The following ARHGAP35 variants were observed in gnomAD, a reference collection of about 807,000 sequenced individuals.
The protein encoded by ARHGAP35 is rho GTPase-activating protein 35.
Under a neutral mutation model 111.1 loss-of-function variants are expected in ARHGAP35, and 15 were observed. The observed-to-expected ratio is 0.13, with a 90% CI of 0.09 to 0.21. ARHGAP35 has a LOEUF of 0.21. Among genes scored for constraint, ARHGAP35 ranks in the 10% least tolerant of loss-of-function variants. The pLI is 1.00. For synonymous variants in ARHGAP35, 643 were observed against 710.3 expected, an observed-to-expected ratio of 0.91 and a Z score of 1.51; for missense variants, 1,262 against 1,873.0, an observed-to-expected ratio of 0.67 and a Z score of 6.02.
In ARHGAP35 at chr19:46,988,136, T is replaced by C. The variant is rs2056660945; in HGVS notation, c.3904+70T>C. On this transcript the variant is annotated intron_variant, in intron 4 of 6. Transcript: ENST00000672722. This position sits in a 1 kb window ranked among gnomAD's most constrained non-coding sequence, Gnocchi z 5.4. Reference sequence around the variant, plus strand: ...GGCAGACACAGCTGCCTCGGTGAACTGTCTGTGGGGCTTCGGAGCACTCCT... The same window carrying C: ...GGCAGACACAGCTGCCTCGGTGAACCGTCTGTGGGGCTTCGGAGCACTCCT... 2.7e-6 allele frequency: 4 copies of C among 1,463,126 alleles called. No individual in the cohort carries two copies. In the Admixed American group the frequency reaches 7.4e-5, roughly 27 times the overall value. 90.6% of individuals were successfully genotyped at this position (1,463,126 alleles called of 1,614,324 possible). A position where few individuals can be genotyped will look rare whatever the true frequency, so the allele number is the denominator to read the frequency against.
At chr19:46,996,788 G>A (rs182334856) in intron 5 of ARHGAP35, among the ~76,000 whole-genome samples, 53 of 152,322 alleles carry the variant, frequency 3.5e-4, no homozygotes, top group South Asian at 8.3e-4. Flanking sequence ...CCTCCCTACA[G>A]CAGTTTACTT....
intron 1 of ARHGAP35, among the ~76,000 whole-genome samples, chr19:46,880,417 T>C (rs936064625): frequency 2.6e-5 from 4 of 152,072 alleles, no homozygotes; most frequent in Non-Finnish European, 5.9e-5. Flanking sequence ...GGGCAACGAG[T>C]GAAACTCCGT....
In ARHGAP35 at chr19:46,961,033, T is replaced by A. The variant is rs1188438253; in HGVS notation, c.3826+23625T>A. Among the ~76,000 whole-genome samples, 2 of 152,122 alleles carry A rather than the reference T, an allele frequency of 1.3e-5. 1 individual carries two copies. The highest frequency in any genetic ancestry group is 1.3e-4 in the Admixed American group (2 of 15,276). ...CCCCAGCCTCCTGAGTAGCTGGGAT[T>A]ACCGGCGCCTGCCACCACGCCCAGC... On this transcript the variant is annotated intron_variant, in intron 3 of 6. Transcript: ENST00000672722.
In ARHGAP35 at chr19:46,920,822, G is replaced by A; in HGVS notation, c.2147G>A (p.Ser716Asn). 1 of 1,612,458 alleles carries A rather than the reference G, an allele frequency of 6.2e-7. No individual in the cohort carries two copies. Among genetic ancestry groups the A allele is most frequent in the Non-Finnish European group, 8.5e-7 (1 of 1,179,166 alleles). The change falls in exon 2 of 7, where the codon AGC becomes AAC. Residue 716 changes from serine (S) to asparagine (N), a missense_variant. Transcript: ENST00000672722. The surrounding 1 kb of genome is among the most constrained non-coding windows in gnomAD (Gnocchi z 7.0). Reference sequence around the variant, plus strand: ...GACACCAGTGGAGAGACTCTGCATAGCTTAATACAGCAAGGTCAACAAATT... The same window carrying A: ...GACACCAGTGGAGAGACTCTGCATAACTTAATACAGCAAGGTCAACAAATT... The part of the protein sequence containing the change: ...RGDTSGETLH[S>N]LIQQGQQIAS...
In ARHGAP35 at chr19:46,920,863, T is replaced by C; in HGVS notation, c.2188T>C (p.Cys730Arg). 1.2e-6 allele frequency: 2 copies of C among 1,613,850 alleles called. No homozygotes were observed. The highest frequency in any genetic ancestry group is 1.7e-6 in the Non-Finnish European group (2 of 1,179,820). The stretch of plus-strand genomic sequence containing the variant: ...TCAACAAATTGCTAGCAAACTTCAG[T>C]GTGTCTTTCTCGACCCTGCTTCTGC... ...QGQQIASKLQCVFLDPASAGI... is the reference protein window; with the variant it reads ...QGQQIASKLQRVFLDPASAGI... Residue 730 changes from cysteine to arginine, a missense_variant, in exon 2 of 7, where the codon TGT (cysteine) becomes CGT (arginine). By Grantham distance (180) the Cys-to-Arg change is radical. Transcript: ENST00000672722. This position sits in a 1 kb window ranked among gnomAD's most constrained non-coding sequence, Gnocchi z 7.0.
intron 1 of ARHGAP35, among the ~76,000 whole-genome samples, chr19:46,871,715 A>G (rs1370102666): frequency 1.3e-5 from 2 of 151,328 alleles, no homozygotes; most frequent in African/African-American, 4.8e-5. Context: ...GCAGTGGCTC[A>G]TGCCTGTAAT....
intron 1 of ARHGAP35, among the ~76,000 whole-genome samples, chr19:46,863,748 C>G (rs934971174): frequency 6.6e-6 from 1 of 152,140 alleles, no homozygotes; most frequent in Non-Finnish European, 1.5e-5. Flanking sequence ...ATCCCGATCC[C>G]ACCAGGGGTT....
chr19:46,937,223 C>T (rs1008474823), intron 2 of ARHGAP35, 41 bp from the exon 3 acceptor site: 5 of 1,611,162 alleles, frequency 3.1e-6, no homozygotes, highest in African/African-American at 2.7e-5. Context: ...CATGTTGATA[C>T]TCACTTTGTT....
intron 1 of ARHGAP35, among the ~76,000 whole-genome samples, chr19:46,888,317 T>TATATATAA (rs1568461153): frequency 3.8e-5 from 2 of 53,314 alleles, no homozygotes; most frequent in African/African-American, 7.9e-5. Flanking sequence ...TATATATATA[T>TATATATAA]AAAATATTGA....
intron 1 of ARHGAP35, among the ~76,000 whole-genome samples, chr19:46,880,786 C>T (rs145875652): frequency 0.018 from 2,702 of 152,048 alleles, 37 homozygotes; most frequent in Non-Finnish European, 0.025. Context: ...AGGGATCCTC[C>T]TGCCTCAGCC....
chr19:46,979,867 G>A (rs950802847), intron 3 of ARHGAP35, among the ~76,000 whole-genome samples: 17 of 152,104 alleles, frequency 1.1e-4, no homozygotes, highest in Non-Finnish European at 2.1e-4. Flanking sequence ...GACAGCTAAC[G>A]AAGGGGCAGG....
chr19:46,882,203 G>A (rs1442614031), intron 1 of ARHGAP35, among the ~76,000 whole-genome samples: 6 of 151,280 alleles, frequency 4.0e-5, no homozygotes, highest in Non-Finnish European at 5.9e-5. Context: ...GCATGATTAT[G>A]GCTTACTGTA....
Position 46,920,426 on chromosome 19 carries a change from G to A in ARHGAP35, c.1751G>A (p.Arg584Gln), listed in dbSNP as rs368789251. The change falls in exon 2 of 7, where the codon CGG (arginine) becomes CAG (glutamine). Residue 584 changes from arginine to glutamine, a missense_variant. Physicochemically the swap from Arg to Gln is conservative, Grantham distance 43. This residue lies in a region of ARHGAP35 where 328 missense variants were observed against 440.8 expected (regional missense o/e 0.74). Transcript: ENST00000672722. The surrounding 1 kb of genome is among the most constrained non-coding windows in gnomAD (Gnocchi z 7.0). ...ISSRFIRPSD[R>Q]NQKNSLSDPN... ...TCTCGGTTTATCCGGCCGTCTGACC[G>A]GAATCAGAAAAATTCACTCTCTGAC... 3.8e-5 allele frequency: 61 copies of A among 1,613,636 alleles called. No individual in the cohort carries two copies. The highest frequency in any genetic ancestry group is 7.7e-5 in the South Asian group (7 of 91,070).
At chr19:46,893,889 T>C (rs1424733314) in intron 1 of ARHGAP35, among the ~76,000 whole-genome samples, 1 of 150,698 alleles carries the variant, frequency 6.6e-6, no homozygotes, top group African/African-American at 2.4e-5. Flanking sequence ...TCTTTCTCTT[T>C]TTTTTTTTTT....
At chr19:46,915,397 T>TAAAAAAAA (rs2056157460) in intron 1 of ARHGAP35, among the ~76,000 whole-genome samples, 2 of 152,204 alleles carry the variant, frequency 1.3e-5, no homozygotes, top group African/African-American at 4.8e-5. Flanking sequence ...GCATACTACG[T>TAAAAAAAA]CTAGTCACAT....
In ARHGAP35 at chr19:46,937,282, C is replaced by T. The variant is rs903252748; in HGVS notation, c.3700C>T (p.Arg1234Trp). 3.1e-6 allele frequency: 5 copies of T among 1,613,732 alleles called. No individual in the cohort carries two copies. The highest frequency in any genetic ancestry group is 4.2e-6 in the Non-Finnish European group (5 of 1,179,780). The change falls in exon 3 of 7, where the codon CGG (arginine) becomes TGG (tryptophan). Residue 1234 changes from arginine to tryptophan, a missense_variant. Transcript: ENST00000672722. ...RNTKKPKPKP[R>W]PSITKATWES... ...TGGACAGAAACCAAAGCCCAAACCCCGGCCATCCATCACAAAGGCAACCTG... is the reference window on the plus strand; with the variant it reads ...TGGACAGAAACCAAAGCCCAAACCCTGGCCATCCATCACAAAGGCAACCTG...
intron 3 of ARHGAP35, among the ~76,000 whole-genome samples, chr19:46,980,160 G>A (rs1489833985): frequency 2.0e-5 from 3 of 152,102 alleles, no homozygotes; most frequent in South Asian, 2.1e-4. Flanking sequence ...AAAGGTGGGC[G>A]GACCACCTGA....
At chr19:46,902,058 A>G (rs1207260290) in intron 1 of ARHGAP35, among the ~76,000 whole-genome samples, 1 of 152,066 alleles carries the variant, frequency 6.6e-6, no homozygotes, top group East Asian at 1.9e-4. Context: ...GGCTTTTTAA[A>G]CTTTGATTTT....
At chr19:46,891,472 G>T (rs1196898683) in intron 1 of ARHGAP35, among the ~76,000 whole-genome samples, 2 of 151,226 alleles carry the variant, frequency 1.3e-5, no homozygotes, top group Admixed American at 6.6e-5. Context: ...CTGTAACCAG[G>T]CTGGAGTGCA....
Sources: gnomAD v4.1 joint callset for allele counts (sites outside exome capture counted in the v4.1 genomes callset) on GRCh38, gnomAD v4.1.1 for gene constraint, gnomAD v4.1.1 regional missense constraint, Gnocchi (gnomAD v3.1) non-coding constraint, MANE v1.5 for transcripts, NCBI Gene and HGNC (gene_info 2026-07-23, HGNC 2026-07-21) for gene names.